Variants in DSC3 observed in about 807,000 individuals in gnomAD.
DSC3 encodes the protein desmocollin-3.
DSC3 carries 97 observed loss-of-function variants against 89.5 expected under a neutral mutation model. The ratio of observed to expected loss-of-function variants is 1.08; its 90% CI spans 0.92 to 1.28. DSC3 has a LOEUF of 1.28. DSC3 is among the 50% of genes most tolerant of loss of function. The probability of loss-of-function intolerance (pLI) is 0.00; values close to 1 mark genes in which losing one functional copy is unlikely to be tolerated. For missense variants in DSC3, 1,199 were observed against 1,085.3 expected, an observed-to-expected ratio of 1.10 and a Z score of -1.47; for synonymous variants, 436 against 384.1, an observed-to-expected ratio of 1.14 and a Z score of -1.58.
rs143370978 is a variant in DSC3, at chr18:30,994,130, A to G, written c.*45T>C. 2 of 1,576,086 alleles carry G rather than the reference A, an allele frequency of 1.3e-6. No homozygotes were observed. The highest frequency in any genetic ancestry group is 4.5e-5 in the East Asian group (2 of 44,632). On this transcript the variant is annotated 3_prime_UTR_variant, in exon 16 of 16. Coordinates refer to ENST00000360428, the MANE Select transcript of DSC3 (RefSeq NM_001941.5). ...TGAACTTTACAATATTATTTTTGGA[A>G]ACCTCCAGAATGTCTGACAAAGACC...
At chr18:31,040,579 T>C (rs775604545) in intron 1 of DSC3, among the ~76,000 whole-genome samples, 1 of 152,148 alleles carries the variant, frequency 6.6e-6, no homozygotes, top group African/African-American at 2.4e-5. Flanking sequence ...GGGAAGGAGA[T>C]ACAGGAAAAA....
Position 31,024,060 on chromosome 18 carries a change from C to T in DSC3, c.775+289G>A, listed in dbSNP as rs71361311. Among the ~76,000 whole-genome samples, 641 of 152,094 alleles carry T rather than the reference C, an allele frequency of 4.2e-3. 1 individual carries two copies. Among genetic ancestry groups the T allele is most frequent in the Non-Finnish European group, 6.4e-3 (433 of 67,956 alleles). On this transcript the variant is annotated intron_variant, in intron 6 of 15. Coordinates refer to ENST00000360428, the MANE Select transcript of DSC3 (RefSeq NM_001941.5). ...GGAGTTGAGAATAATGAAAAACCCA[C>T]GAGGAAATGAAATAAAATATATAAA...
intron 8 of DSC3, 24 bp downstream of exon 8, chr18:31,018,642 C>A (rs537594018): frequency 4.3e-6 from 7 of 1,609,374 alleles, no homozygotes; most frequent in Non-Finnish European, 5.9e-6. Flanking sequence ...AAGACAGAGG[C>A]AGATTTTGAT....
chr18:31,031,123 A>C lies in DSC3; in HGVS notation c.204T>G (p.Asp68Glu). Residue 68 changes from aspartate (D) to glutamate (E), a missense_variant, in exon 3 of 16, where the codon GAT becomes GAG. Asp to Glu is a conservative substitution (Grantham distance 45). Transcript: ENST00000360428. ...FRSADLIRSS[D>E]PDFRVLNDGS... Reference sequence around the variant, plus strand: ...CATCATTTAGAACTCTGAAATCAGGATCACTTGACCGGATGAGGTCTGCAG... The same window carrying C: ...CATCATTTAGAACTCTGAAATCAGGCTCACTTGACCGGATGAGGTCTGCAG... 1.9e-6 allele frequency: 3 copies of C among 1,613,616 alleles called. No homozygotes were observed. Among genetic ancestry groups the C allele is most frequent in the Middle Eastern group, 3.3e-4 (2 of 6,060 alleles).
rs371311530 is a variant in DSC3 at position 31,024,339 on chromosome 18, G to T, written c.775+10C>A. On this transcript the variant is annotated intron_variant, in intron 6 of 15. Transcript: ENST00000360428. ...AAAATGATTCTTTTTATTCTTAAAA[G>T]CAGACTTACCAGGTCTACTACTTTC... 15 of 1,567,684 alleles carry T rather than the reference G, an allele frequency of 9.6e-6. No homozygotes were observed. The highest frequency in any genetic ancestry group is 1.2e-5 in the South Asian group (1 of 84,874).
chr18:31,008,559 T>C, intron 9 of DSC3, 34 bp from the exon 10 acceptor site: 2 of 1,611,834 alleles, frequency 1.2e-6, no homozygotes, highest in Non-Finnish European at 1.7e-6. Context: ...TCAGTGTCAG[T>C]GTAAAATACA....
At chr18:31,008,192 G>T in intron 10 of DSC3, 34 bp from the exon 11 acceptor site, 4 of 1,607,744 alleles carry the variant, frequency 2.5e-6, no homozygotes, top group Non-Finnish European at 3.4e-6. Flanking sequence ...TTTAGCATCA[G>T]AAAATGTTTT....
intron 15 of DSC3, among the ~76,000 whole-genome samples, chr18:30,994,693 A>AT (rs1056646945): frequency 6.6e-6 from 1 of 152,170 alleles, no homozygotes; most frequent in African/African-American, 2.4e-5. Context: ...AATAGAGACA[A>AT]TAGTCATACT....
rs373961822 is a variant in DSC3, at chr18:31,029,642, A to C, written c.355-14T>G. ...TGTCTTCGATACCTGAATTTAGAGA[A>C]AAACAAATACATGAATAAACAAAAG... is the stretch of plus-strand genomic sequence containing the variant. On this transcript the variant is annotated splice_polypyrimidine_tract_variant and intron_variant, in intron 3 of 15. Transcript: ENST00000360428. 889 of 1,613,392 alleles carry C rather than the reference A, an allele frequency of 5.5e-4. 1 individual carries two copies. Among genetic ancestry groups the C allele is most frequent in the Non-Finnish European group, 6.8e-4 (800 of 1,179,482 alleles).
chr18:31,014,556 A>T (rs1488927717), intron 9 of DSC3, among the ~76,000 whole-genome samples: 2 of 152,152 alleles, frequency 1.3e-5, no homozygotes, highest in African/African-American at 4.8e-5. Flanking sequence ...ATTAATAAAT[A>T]AATGTAATAA....
rs375896026 is a variant in DSC3, at chr18:31,031,156, G to A, written c.171C>T (p.Cys57=). 1.3e-5 allele frequency: 21 copies of A among 1,610,932 alleles called. No individual in the cohort carries two copies. The African/African-American group carries it at 2.7e-4, about 21-fold the overall frequency. ...ACCGGATGAGGTCTGCAGACCTGAA[G>A]CACTCTTCCAAATTAACTGCAAGTA... ...KIIGRVNLEE[C]FRSADLIRSS... The change falls in exon 3 of 16, where the codon TGC becomes TGT. Residue 57 remains cysteine, a synonymous_variant. Coordinates refer to ENST00000360428, the MANE Select transcript of DSC3 (RefSeq NM_001941.5).
chr18:31,007,307 A>T (rs1171137608), intron 11 of DSC3, among the ~76,000 whole-genome samples, 176 bp from the exon 12 acceptor site: 1 of 152,206 alleles, frequency 6.6e-6, no homozygotes, highest in Non-Finnish European at 1.5e-5. Flanking sequence ...CTAATTTGAA[A>T]TGACTATTGC....
chr18:31,010,207 T>C (rs566184303), intron 9 of DSC3, among the ~76,000 whole-genome samples: 3 of 152,328 alleles, frequency 2.0e-5, no homozygotes, highest in South Asian at 4.1e-4. Context: ...ACAAAACATA[T>C]GTAAAACCTT....
At chr18:31,002,297 C>T (rs2144682407) in intron 13 of DSC3, among the ~76,000 whole-genome samples, 1 of 152,268 alleles carries the variant, frequency 6.6e-6, no homozygotes, top group East Asian at 1.9e-4. Flanking sequence ...CCCTATAGTG[C>T]ATTGGCAAAA....
intron 7 of DSC3, 44 bp from the exon 8 acceptor site, chr18:31,018,844 G>A (rs1172006395): frequency 1.9e-6 from 3 of 1,598,852 alleles, no homozygotes; most frequent in Non-Finnish European, 2.6e-6. Context: ...AAAATTTTTG[G>A]TAGATTTATA....
At chr18:31,032,392 C>T (rs540372873) in intron 1 of DSC3, 116 bp from the exon 2 acceptor site, 3 of 772,568 alleles carry the variant, frequency 3.9e-6, no homozygotes, top group Admixed American at 2.4e-5. Context: ...TTACAATAAA[C>T]CCCAGCAAAC....
At chr18:31,021,559 T>C (rs113483194) in intron 7 of DSC3, among the ~76,000 whole-genome samples, 5,157 of 152,316 alleles carry the variant, frequency 0.034, 160 homozygotes, top group Non-Finnish European at 0.046. Context: ...TCATATTGAC[T>C]CTTCTATATA....
chr18:31,007,618 G>T (rs1332534492), intron 11 of DSC3, among the ~76,000 whole-genome samples: 1 of 152,072 alleles, frequency 6.6e-6, no homozygotes, highest in Admixed American at 6.5e-5. Context: ...AAAAACTCTA[G>T]GTTACTTTAA....
At position 31,024,479 on chromosome 18, in the gene DSC3, C is replaced by G; in HGVS notation, c.645G>C (p.Ala215=). 1 of 1,612,484 alleles carries G rather than the reference C, an allele frequency of 6.2e-7. No homozygotes were observed. The highest frequency in any genetic ancestry group is 1.1e-5 in the South Asian group (1 of 90,854). The change falls in exon 6 of 16, where the codon GCG becomes GCC. Residue 215 remains alanine, a synonymous_variant. Coordinates refer to ENST00000360428, the MANE Select transcript of DSC3 (RefSeq NM_001941.5). Reference sequence around the variant, plus strand: ...CTGCTGAATATCCATCTGCAGTTGACGCATAAGCAATCAACTGCAAAATAG... The same window carrying G: ...CTGCTGAATATCCATCTGCAGTTGAGGCATAAGCAATCAACTGCAAAATAG... ...EYDVFDLIAY[A]STADGYSADL... is the part of the protein sequence containing the mutation.
Sources: allele counts gnomAD v4.1 joint callset (sites outside exome capture counted in the v4.1 genomes callset), GRCh38; gene constraint gnomAD v4.1.1; transcripts MANE v1.5; gene names NCBI Gene and HGNC (gene_info 2026-07-23, HGNC 2026-07-21).